Variants in PCDH9 observed in about 807,000 individuals in gnomAD.
The protein encoded by PCDH9 is protocadherin-9.
PCDH9 carries 24 observed loss-of-function variants against 70.6 expected under a neutral mutation model. That is an observed-to-expected ratio of 0.34 (90% CI 0.25 to 0.48). PCDH9 has a LOEUF of 0.48. PCDH9 is among the 20% of genes least tolerant of loss of function. The pLI, the probability that PCDH9 is intolerant of heterozygous loss-of-function variation, is 0.99. For missense variants in PCDH9, 1,281 were observed against 1,503.6 expected, an observed-to-expected ratio of 0.85 and a Z score of 2.45; for synonymous variants, 562 against 558.5, an observed-to-expected ratio of 1.01 and a Z score of -0.09.
At chr13:66,849,637 AATCT>A in intron 3 of PCDH9, among the ~76,000 whole-genome samples, 1 of 151,972 alleles carries the variant, frequency 6.6e-6, no homozygotes, top group East Asian at 1.9e-4. Context: ...AGAATCAGTA[AATCT>A]AACATCCAGC....
chr13:67,067,552 C>T (rs559038294), intron 2 of PCDH9, among the ~76,000 whole-genome samples: 1 of 152,138 alleles, frequency 6.6e-6, no homozygotes, highest in East Asian at 1.9e-4. Flanking sequence ...AAAAAATCAT[C>T]TGTCTTCCCA....
At chr13:66,561,702 C>G (rs1962045150) in intron 4 of PCDH9, among the ~76,000 whole-genome samples, 1 of 152,036 alleles carries the variant, frequency 6.6e-6, no homozygotes, top group African/African-American at 2.4e-5. Flanking sequence ...TCTAGCTAAT[C>G]TAGTGGGGAC....
intron 3 of PCDH9, among the ~76,000 whole-genome samples, chr13:66,800,658 C>A (rs2139339006): frequency 6.6e-6 from 1 of 152,268 alleles, no homozygotes; most frequent in Middle Eastern, 3.4e-3. Flanking sequence ...GGATTGCAGT[C>A]AGCAAGATGT....
At chr13:66,863,688 G>A (rs1207747998) in intron 3 of PCDH9, among the ~76,000 whole-genome samples, 3 of 151,992 alleles carry the variant, frequency 2.0e-5, no homozygotes, top group East Asian at 1.9e-4. Flanking sequence ...GGGTTTCACC[G>A]TGTTAGCCAG....
In PCDH9 at chr13:67,228,328, A is replaced by C; in HGVS notation, c.113T>G (p.Val38Gly). The change falls in exon 2 of 5, where the codon GTG becomes GGG. Residue 38 changes from valine (V) to glycine (G), a missense_variant. Coordinates refer to ENST00000377865, the MANE Select transcript of PCDH9 (RefSeq NM_203487.3). ...ATCCTTTGGTATGTTTCCTATGGGC[A>C]CATTTTCAGGCAATTCCTCTCTAAT... ...YTIREELPEN[V>G]PIGNIPKDLN... The C allele has an allele frequency of 6.2e-7, 1 of 1,614,206 alleles. No individual in the cohort carries two copies. The highest frequency in any genetic ancestry group is 8.5e-7 in the Non-Finnish European group (1 of 1,180,030).
intron 2 of PCDH9, among the ~76,000 whole-genome samples, chr13:67,046,860 G>T (rs908256008): frequency 6.6e-6 from 1 of 152,038 alleles, no homozygotes; most frequent in Non-Finnish European, 1.5e-5. Flanking sequence ...CAGAAGGTCA[G>T]CTCAGCTTAA....
intron 4 of PCDH9, among the ~76,000 whole-genome samples, chr13:66,485,007 AT>A (rs1217254582): frequency 1.3e-5 from 2 of 152,162 alleles, no homozygotes; most frequent in Non-Finnish European, 2.9e-5. Flanking sequence ...AATTTTTGTT[AT>A]TTATGTTTTC....
At chr13:66,350,941 A>C (rs1248509435) in intron 4 of PCDH9, among the ~76,000 whole-genome samples, 1 of 152,214 alleles carries the variant, frequency 6.6e-6, no homozygotes, top group Admixed American at 6.5e-5. Flanking sequence ...AATGTAATTT[A>C]TCTTCTTACC....
intron 3 of PCDH9, among the ~76,000 whole-genome samples, chr13:66,666,654 T>A (rs1246572804): frequency 6.6e-6 from 1 of 152,068 alleles, no homozygotes; most frequent in African/African-American, 2.4e-5. Context: ...CCAGAATGAG[T>A]TTCCAGAAGA....
At chr13:66,931,510 T>C (rs978102443) in intron 2 of PCDH9, among the ~76,000 whole-genome samples, 1 of 152,056 alleles carries the variant, frequency 6.6e-6, no homozygotes, top group Admixed American at 6.6e-5. Flanking sequence ...ATGTGATTGA[T>C]GTAGGAAAGA....
chr13:66,405,916 A>G (rs1957272339), intron 4 of PCDH9, among the ~76,000 whole-genome samples: 3 of 58,144 alleles, frequency 5.2e-5, no homozygotes, highest in African/African-American at 1.6e-4. Flanking sequence ...AATTACATGG[A>G]GACATTATGT....
At chr13:66,382,450 A>G (rs1956865372) in intron 4 of PCDH9, among the ~76,000 whole-genome samples, 1 of 152,208 alleles carries the variant, frequency 6.6e-6, no homozygotes, top group Non-Finnish European at 1.5e-5. Flanking sequence ...CCTATTTGAA[A>G]TAAGAAGGGA....
intron 4 of PCDH9, among the ~76,000 whole-genome samples, chr13:66,616,996 G>T (rs767589401): frequency 6.6e-6 from 1 of 152,142 alleles, no homozygotes; most frequent in Non-Finnish European, 1.5e-5. Context: ...CACAGCACAG[G>T]TGAATGTGGC....
intron 2 of PCDH9, among the ~76,000 whole-genome samples, chr13:67,114,841 A>G (rs1234223310): frequency 2.6e-5 from 4 of 152,204 alleles, no homozygotes; most frequent in African/African-American, 7.2e-5. Context: ...TTGCCTGGAT[A>G]TTTTTTCCTT....
chr13:66,643,953 T>C (rs1026572536), intron 3 of PCDH9, among the ~76,000 whole-genome samples: 1 of 151,940 alleles, frequency 6.6e-6, no homozygotes, highest in Non-Finnish European at 1.5e-5. Flanking sequence ...ACTTACTGTC[T>C]AACACAATTT....
intron 2 of PCDH9, among the ~76,000 whole-genome samples, chr13:67,052,842 T>C (rs1354302472): frequency 6.6e-6 from 1 of 152,146 alleles, no homozygotes; most frequent in Non-Finnish European, 1.5e-5. Context: ...AGGTGGTTAA[T>C]GCTATCTACT....
chr13:67,135,381 T>G (rs1172541057), intron 2 of PCDH9, among the ~76,000 whole-genome samples: 1 of 152,144 alleles, frequency 6.6e-6, no homozygotes, highest in Non-Finnish European at 1.5e-5. Context: ...AAACTCTAGC[T>G]ATGTGTTTCC....
intron 3 of PCDH9, among the ~76,000 whole-genome samples, chr13:66,798,606 C>G (rs1274057119): frequency 6.6e-6 from 1 of 152,106 alleles, no homozygotes; most frequent in African/African-American, 2.4e-5. Context: ...CGGAAATCTA[C>G]CCTGGGCAAC....
intron 4 of PCDH9, among the ~76,000 whole-genome samples, chr13:66,451,245 T>C (rs1958202873): frequency 6.6e-6 from 1 of 152,216 alleles, no homozygotes; most frequent in African/African-American, 2.4e-5. Context: ...AGGAATACTT[T>C]ACAGAATAAA....
Sources: allele counts gnomAD v4.1 joint callset (sites outside exome capture counted in the v4.1 genomes callset), GRCh38; gene constraint gnomAD v4.1.1; transcripts MANE v1.5; gene names NCBI Gene and HGNC (gene_info 2026-07-23, HGNC 2026-07-21).